The following TRIM16 variants were observed in gnomAD, a reference collection of about 807,000 sequenced individuals.
The protein encoded by TRIM16 is tripartite motif containing 16.
A neutral mutation model predicts 50.4 loss-of-function variants in TRIM16; 33 were observed. The observed-to-expected ratio is 0.65, with a 90% CI of 0.50 to 0.88. The LOEUF (loss-of-function observed/expected upper bound fraction) is 0.88. TRIM16 is among the 40% of genes least tolerant of loss of function. The pLI is 0.00. For missense variants in TRIM16, 581 were observed against 686.8 expected (o/e 0.85, Z 1.72); for synonymous variants, 229 against 270.7 (o/e 0.85, Z 1.51).
intron 6 of TRIM16, among the ~76,000 whole-genome samples, chr17:15,662,069 GCT>G (rs1988264000): frequency 6.6e-6 from 1 of 152,148 alleles, no homozygotes; most frequent in African/African-American, 2.4e-5. Context: ...CCCAGGATGG[GCT>G]CTGTTTATCT....
In TRIM16 at chr17:15,628,191, C is replaced by G. The variant is rs995170793; in HGVS notation, c.*424G>C. The G allele has an allele frequency of 6.3e-6, 1 of 158,438 alleles. No homozygotes were observed. The highest frequency in any genetic ancestry group is 6.2e-5 in the Admixed American group (1 of 16,150). The allele number at this position is 158,438 out of a possible 1,614,324, so 9.8% of individuals were successfully genotyped here. A position where few individuals can be genotyped will look rare whatever the true frequency, so the allele number is the denominator to read the frequency against. ...TTGGGAGGCCGAGGTGGGTGCATCA[C>G]GAGGTCAGGAGTTTGAGATCTGCCT... is the stretch of plus-strand genomic sequence containing the variant. On this transcript the variant is annotated 3_prime_UTR_variant, in exon 12 of 12. Coordinates refer to ENST00000649191, the MANE Select transcript of TRIM16 (RefSeq NM_001348119.1).
chr17:15,650,991 G>T, intron 7 of TRIM16, 100 bp downstream of exon 7: 2 of 1,482,120 alleles, frequency 1.3e-6, no homozygotes, highest in Non-Finnish European at 1.8e-6. Flanking sequence ...TATGCTCAGA[G>T]CATAGTAGTG....
At chr17:15,650,564 A>T (rs1260147402) in intron 7 of TRIM16, among the ~76,000 whole-genome samples, 1 of 152,162 alleles carries the variant, frequency 6.6e-6, no homozygotes, top group Non-Finnish European at 1.5e-5. Context: ...CTATCTTAGC[A>T]CTTTTCAAGC....
At chr17:15,640,020 C>T (rs1987046535) in intron 8 of TRIM16, among the ~76,000 whole-genome samples, 1 of 149,066 alleles carries the variant, frequency 6.7e-6, no homozygotes, top group South Asian at 2.2e-4. Context: ...TCCTAGCAAC[C>T]CTAAAAGGTA....
chr17:15,635,309 T>C (rs1008261512), intron 9 of TRIM16, among the ~76,000 whole-genome samples: 1 of 148,742 alleles, frequency 6.7e-6, no homozygotes, highest in South Asian at 2.2e-4. Context: ...TTCAGGATGT[T>C]GCAGTTTACC....
At chr17:15,665,411 A>G (rs543097961) in intron 6 of TRIM16, among the ~76,000 whole-genome samples, 5 of 152,358 alleles carry the variant, frequency 3.3e-5, no homozygotes, top group African/African-American at 9.6e-5. Flanking sequence ...CAGGAGGCTG[A>G]GGCAGGAGAA....
chr17:15,663,913 C>T (rs991161389), intron 6 of TRIM16, among the ~76,000 whole-genome samples: 1 of 152,198 alleles, frequency 6.6e-6, no homozygotes, highest in African/African-American at 2.4e-5. Flanking sequence ...CATGTGGCCA[C>T]AATGGAGGGC....
intron 7 of TRIM16, among the ~76,000 whole-genome samples, chr17:15,645,473 T>A (rs1419518880): frequency 6.6e-6 from 1 of 151,782 alleles, no homozygotes; most frequent in Non-Finnish European, 1.5e-5. Flanking sequence ...CTAAACACCT[T>A]CTGCCAAGAG....
At chr17:15,644,384 C>T (rs988675410) in intron 7 of TRIM16, among the ~76,000 whole-genome samples, 2 of 152,230 alleles carry the variant, frequency 1.3e-5, no homozygotes, top group East Asian at 1.9e-4. Context: ...GACAGGGTTT[C>T]ACCATGTTGG....
chr17:15,665,524 A>T (rs1988460389), intron 6 of TRIM16, among the ~76,000 whole-genome samples: 2 of 149,408 alleles, frequency 1.3e-5, no homozygotes, highest in African/African-American at 2.5e-5. Flanking sequence ...TAAAAAGAAT[A>T]AAAAAAATAA....
In TRIM16 at chr17:15,637,048, C is replaced by T. The variant is rs917360512; in HGVS notation, c.616-779G>A. On this transcript the variant is annotated intron_variant, in intron 8 of 11. Coordinates refer to ENST00000649191, the MANE Select transcript of TRIM16 (RefSeq NM_001348119.1). ...AAGAATTGGTAGGAGCCTCTCCGCC[C>T]GGTAGCCACCCCATCTGGGAAGTGA... is the stretch of plus-strand genomic sequence containing the variant. 7.4e-4 allele frequency among the ~76,000 whole-genome samples: 108 copies of T among 146,908 alleles called. 9 individuals carry two copies. Among genetic ancestry groups the T allele is most frequent in the African/African-American group, 2.6e-3 (104 of 39,976 alleles).
intron 6 of TRIM16, chr17:15,658,683 TA>T: frequency 3.0e-6 from 1 of 337,872 alleles, no homozygotes; most frequent in Non-Finnish European, 4.2e-6. Flanking sequence ...GAGTGACATC[TA>T]AGTCAGTCCT....
chr17:15,630,427 C>A (rs1317555465), intron 11 of TRIM16, among the ~76,000 whole-genome samples: 1 of 152,194 alleles, frequency 6.6e-6, no homozygotes, highest in Non-Finnish European at 1.5e-5. Flanking sequence ...ATCAGCTTCA[C>A]ATTTTGCATG....
At chr17:15,635,874 A>G (rs2150901774) in intron 9 of TRIM16, among the ~76,000 whole-genome samples, 162 bp downstream of exon 9, 1 of 138,758 alleles carries the variant, frequency 7.2e-6, no homozygotes, top group South Asian at 2.5e-4. Flanking sequence ...TACCCCTCCT[A>G]TACTCTGCTG....
chr17:15,647,842 C>CACAA (rs923891167), intron 7 of TRIM16, among the ~76,000 whole-genome samples: 2 of 150,558 alleles, frequency 1.3e-5, no homozygotes, highest in African/African-American at 5.0e-5. Flanking sequence ...CACACACACA[C>CACAA]ACACACACAG....
chr17:15,639,695 AG>A (rs1448214541), intron 8 of TRIM16, among the ~76,000 whole-genome samples: 2 of 149,814 alleles, frequency 1.3e-5, no homozygotes, highest in East Asian at 2.0e-4. Flanking sequence ...TGGGGACAAT[AG>A]TAGAGAAGGA....
intron 6 of TRIM16, among the ~76,000 whole-genome samples, chr17:15,657,954 G>A (rs1252649839): frequency 6.6e-6 from 1 of 152,166 alleles, no homozygotes; most frequent in Non-Finnish European, 1.5e-5. Context: ...CAAAACAAAT[G>A]TAACTTCACC....
chr17:15,639,314 G>A lies in TRIM16; in HGVS notation c.616-3045C>T, dbSNP rs966610914. The stretch of plus-strand genomic sequence containing the variant: ...GCCGTCCTTGGCCTCCCAAAGTGCT[G>A]GGATTACAGGTGTTATTACAGGTGG... On this transcript the variant is annotated intron_variant, in intron 8 of 11. Coordinates refer to ENST00000649191, the MANE Select transcript of TRIM16 (RefSeq NM_001348119.1). 2.3e-4 allele frequency among the ~76,000 whole-genome samples: 34 copies of A among 147,396 alleles called. 1 individual carries two copies. Among genetic ancestry groups the A allele is most frequent in the Non-Finnish European group, 1.5e-5 (1 of 66,810 alleles).
At chr17:15,671,413 G>T (rs1418954135) in intron 6 of TRIM16, among the ~76,000 whole-genome samples, 2 of 149,336 alleles carry the variant, frequency 1.3e-5, no homozygotes, top group Non-Finnish European at 3.0e-5. Context: ...GGATATCTTG[G>T]TGCATATGGG....
Sources: allele counts gnomAD v4.1 joint callset (sites outside exome capture counted in the v4.1 genomes callset), GRCh38; gene constraint gnomAD v4.1.1; transcripts MANE v1.5; gene names NCBI Gene and HGNC (gene_info 2026-07-23, HGNC 2026-07-21).